The following SLC67A1 variants were observed in gnomAD, a reference collection of about 807,000 sequenced individuals.
The protein encoded by SLC67A1 is solute carrier family 67 member A1.
the SLC67A1 span, chr11:2,903,778 T>G: frequency 7.7e-4 from 306 of 396,644 alleles, no homozygotes; most frequent in Middle Eastern, 2.2e-3. Context: ...CCTAGCGCTG[T>G]TCCTCCTGCC....
chr11:2,910,167 C>T, the SLC67A1 span, among the ~76,000 whole-genome samples: 1 of 152,140 alleles, frequency 6.6e-6, no homozygotes, highest in Admixed American at 6.5e-5. Flanking sequence ...GAACGTTCTC[C>T]CAGCATTTTC....
the SLC67A1 span, among the ~76,000 whole-genome samples, chr11:2,905,796 C>T: frequency 1.3e-5 from 2 of 152,172 alleles, no homozygotes; most frequent in Non-Finnish European, 2.9e-5. Flanking sequence ...GTCAAGAGAA[C>T]GCAAGAGAAG....
chr11:2,911,848 C>T, the SLC67A1 span, among the ~76,000 whole-genome samples: 1 of 152,182 alleles, frequency 6.6e-6, no homozygotes, highest in Admixed American at 6.5e-5. Flanking sequence ...GCTGCTGACC[C>T]AGAAGACACC....
chr11:2,903,145 C>T, the SLC67A1 span: 3 of 1,317,708 alleles, frequency 2.3e-6, no homozygotes, highest in Non-Finnish European at 3.0e-6. Flanking sequence ...CCTGATGTGT[C>T]CTCTAAGGTC....
At chr11:2,924,457 C>T in the SLC67A1 span, among the ~76,000 whole-genome samples, 1 of 152,094 alleles carries the variant, frequency 6.6e-6, no homozygotes. This position sits in a 1 kb window ranked among gnomAD's most constrained non-coding sequence, Gnocchi z 8.6. Context: ...AACTCAAGCC[C>T]CAACGGTGTC....
chr11:2,908,075 C>T, the SLC67A1 span, among the ~76,000 whole-genome samples: 1 of 152,120 alleles, frequency 6.6e-6, no homozygotes, highest in African/African-American at 2.4e-5. Flanking sequence ...AGAAGAGGAG[C>T]AGGGTCCCCC....
the SLC67A1 span, among the ~76,000 whole-genome samples, chr11:2,910,527 G>T: frequency 1.3e-5 from 2 of 152,238 alleles, no homozygotes; most frequent in Non-Finnish European, 2.9e-5. Flanking sequence ...CCAGGGGGCC[G>T]TGTGGCTGGA....
At chr11:2,903,285 C>A in the SLC67A1 span, 1 of 1,583,620 alleles carries the variant, frequency 6.3e-7, no homozygotes, top group Non-Finnish European at 8.6e-7. Context: ...GACTTTTGCC[C>A]CCTGCTCCGC....
the SLC67A1 span, among the ~76,000 whole-genome samples, chr11:2,905,204 G>A: frequency 6.6e-6 from 1 of 152,172 alleles, no homozygotes; most frequent in Non-Finnish European, 1.5e-5. Context: ...GTCATGGGCT[G>A]GGCTCCCCCA....
the SLC67A1 span, among the ~76,000 whole-genome samples, chr11:2,908,736 G>A: frequency 2.0e-5 from 3 of 152,182 alleles, no homozygotes; most frequent in Non-Finnish European, 4.4e-5. Context: ...CAAGGGACAC[G>A]TATTGGGAGT....
the SLC67A1 span, chr11:2,903,052 G>C: frequency 2.1e-6 from 1 of 471,542 alleles, no homozygotes; most frequent in Non-Finnish European, 3.5e-6. Context: ...AGGGGTCGGG[G>C]GGAGCAGCTT....
the SLC67A1 span, chr11:2,922,135 AG>A: frequency 6.2e-7 from 1 of 1,613,374 alleles, no homozygotes; most frequent in Non-Finnish European, 8.5e-7. Flanking sequence ...GCAGCTGAGC[AG>A]CCACTTCTCG....
the SLC67A1 span, chr11:2,909,826 CACGTGATGTGGCT>C: frequency 1.0e-5 from 12 of 1,160,014 alleles, no homozygotes; most frequent in South Asian, 2.0e-4. Context: ...CGCGAGTGGC[CACGTGATGTGGCT>C]ACTGGGGACG....
At chr11:2,907,307 C>T in the SLC67A1 span, among the ~76,000 whole-genome samples, 12 of 152,288 alleles carry the variant, frequency 7.9e-5, no homozygotes, top group South Asian at 1.7e-3. The surrounding 1 kb of genome is among the most constrained non-coding windows in gnomAD (Gnocchi z 6.7). Flanking sequence ...TATTGTCTCA[C>T]AGTTTGGGAG....
chr11:2,920,869 T>A, the SLC67A1 span: 1 of 152,182 alleles, frequency 6.6e-6, no homozygotes, highest in Non-Finnish European at 1.5e-5. Flanking sequence ...TTCACGGCAC[T>A]CACTGTGAGC....
At chr11:2,900,692 C>CAAAAAGAAAAAAAAAAAAAA in the SLC67A1 span, among the ~76,000 whole-genome samples, 1 of 59,640 alleles carries the variant, frequency 1.7e-5, no homozygotes, top group African/African-American at 6.6e-5. Context: ...GACTCCGTCT[C>CAAAAAGAAAAAAAAAAAAAA]AAAAAAAAAA....
At chr11:2,922,912 C>G in the SLC67A1 span, among the ~76,000 whole-genome samples, 1 of 152,122 alleles carries the variant, frequency 6.6e-6, no homozygotes. Flanking sequence ...TCCCCCAGCA[C>G]GGGGAGTGGG....
chr11:2,918,148 T>A, the SLC67A1 span: 2 of 1,441,232 alleles, frequency 1.4e-6, no homozygotes, highest in Non-Finnish European at 1.9e-6. Context: ...GAGTCCCAGC[T>A]GCGGCCAGGG....
chr11:2,903,368 G>C, the SLC67A1 span: 1 of 1,612,866 alleles, frequency 6.2e-7, no homozygotes, highest in African/African-American at 1.3e-5. Context: ...CGGGCTCCCA[G>C]GGACCAGGGC....
Sources: allele counts gnomAD v4.1 joint callset (sites outside exome capture counted in the v4.1 genomes callset), GRCh38; gene constraint gnomAD v4.1.1; non-coding constraint Gnocchi (gnomAD v3.1); transcripts MANE v1.5; gene names NCBI Gene and HGNC (gene_info 2026-07-23, HGNC 2026-07-21).